The following UNC13C variants were observed in gnomAD, a reference collection of about 807,000 sequenced individuals.
The protein encoded by UNC13C is protein unc-13 homolog C.
A neutral mutation model predicts 245.4 loss-of-function variants in UNC13C; 174 were observed. That is an observed-to-expected ratio of 0.71 (90% confidence interval 0.63 to 0.80). The LOEUF (loss-of-function observed/expected upper bound fraction) is 0.80, where lower values mean the gene tolerates loss of function less well. Among genes scored for constraint, UNC13C ranks in the 30% least tolerant of loss-of-function variants. The pLI, the probability that UNC13C is intolerant of heterozygous loss-of-function variation, is 0.00. For missense variants in UNC13C, 2,829 were observed against 2,602.9 expected, an observed-to-expected ratio of 1.09 and a Z score of -1.89; for synonymous variants, 992 against 895.1, an observed-to-expected ratio of 1.11 and a Z score of -1.93.
intron 4 of UNC13C, among the ~76,000 whole-genome samples, chr15:54,230,151 T>A (rs1052863912): frequency 2.0e-5 from 3 of 151,828 alleles, no homozygotes; most frequent in African/African-American, 7.3e-5. Flanking sequence ...TTTTACTTAT[T>A]TGAGGAATCT....
At chr15:53,952,059 G>C in the UNC13C span, among the ~76,000 whole-genome samples, 1 of 152,174 alleles carries the variant, frequency 6.6e-6, no homozygotes, top group Non-Finnish European at 1.5e-5. Flanking sequence ...GATGATGTGA[G>C]GGTTTGGGCA....
At chr15:53,967,083 A>G in the UNC13C span, among the ~76,000 whole-genome samples, 1 of 151,944 alleles carries the variant, frequency 6.6e-6, no homozygotes, top group African/African-American at 2.4e-5. Context: ...TTCCAATACG[A>G]ATTTGTTACC....
chr15:54,229,009 A>G (rs2035473856), intron 4 of UNC13C, among the ~76,000 whole-genome samples: 1 of 152,154 alleles, frequency 6.6e-6, no homozygotes, highest in Non-Finnish European at 1.5e-5. Flanking sequence ...GCTTGTCAGA[A>G]CTCAGGATCC....
intron 22 of UNC13C, among the ~76,000 whole-genome samples, chr15:54,501,858 C>T (rs933789581): frequency 3.9e-5 from 6 of 152,160 alleles, no homozygotes; most frequent in Middle Eastern, 6.8e-3. Flanking sequence ...CTGAGACTGA[C>T]ATGGGAAGGG....
At chr15:54,281,270 A>C (rs183769540) in intron 10 of UNC13C, among the ~76,000 whole-genome samples, 2 of 152,162 alleles carry the variant, frequency 1.3e-5, no homozygotes, top group African/African-American at 2.4e-5. Flanking sequence ...AATGTTTATT[A>C]GTCTTTATAC....
chr15:54,573,885 C>T (rs1450106487), intron 30 of UNC13C, among the ~76,000 whole-genome samples: 1 of 152,020 alleles, frequency 6.6e-6, no homozygotes, highest in South Asian at 2.1e-4. Context: ...CTAACACAGG[C>T]TGAAAAGTGA....
intron 19 of UNC13C, among the ~76,000 whole-genome samples, chr15:54,436,170 G>A (rs190468235): frequency 5.4e-4 from 82 of 152,134 alleles, no homozygotes; most frequent in African/African-American, 1.9e-3. Flanking sequence ...ATGGAAGACA[G>A]TGTGGCTACT....
the UNC13C span, among the ~76,000 whole-genome samples, chr15:53,875,107 AT>A: frequency 3.5e-4 from 29 of 81,968 alleles, no homozygotes; most frequent in African/African-American, 9.0e-4. Flanking sequence ...TAAAAAAAAA[AT>A]ATCTTATATG....
At position 54,376,861 on chromosome 15, in the gene UNC13C, A is replaced by G. The variant is rs542959166; in HGVS notation, c.4714-16187A>G. Among the ~76,000 whole-genome samples, 6 of 152,314 alleles carry G rather than the reference A, an allele frequency of 3.9e-5. No homozygotes were observed. In the South Asian group the frequency reaches 1.2e-3, roughly 32 times the overall value. On this transcript the variant is annotated intron_variant, in intron 17 of 32. Transcript: ENST00000260323. ...AGACTTGCTGTTCACCCAGAACCTC[A>G]GAGTGTTACCTGATTTGGAACAAGT...
At chr15:54,572,949 T>C (rs1897821401) in intron 30 of UNC13C, among the ~76,000 whole-genome samples, 1 of 152,188 alleles carries the variant, frequency 6.6e-6, no homozygotes. Context: ...CATCTCCTTC[T>C]CTTTTTTCTG....
At chr15:54,188,018 A>T (rs1336933522) in intron 4 of UNC13C, among the ~76,000 whole-genome samples, 7 of 152,004 alleles carry the variant, frequency 4.6e-5, no homozygotes, top group Non-Finnish European at 1.0e-4. Flanking sequence ...GAGTTTCATC[A>T]TGTTGGTGAG....
the UNC13C span, among the ~76,000 whole-genome samples, chr15:53,928,465 T>C: frequency 1.3e-5 from 2 of 152,198 alleles, no homozygotes; most frequent in African/African-American, 4.8e-5. Flanking sequence ...ACCTTCCAGC[T>C]TGGGCATTAG....
chr15:54,435,929 G>C (rs2040976162), intron 19 of UNC13C, among the ~76,000 whole-genome samples: 1 of 151,894 alleles, frequency 6.6e-6, no homozygotes, highest in Middle Eastern at 3.4e-3. Flanking sequence ...CAAACGATAT[G>C]AACAGACACT....
At chr15:54,448,292 G>T (rs141606490) in intron 19 of UNC13C, among the ~76,000 whole-genome samples, 1 of 152,108 alleles carries the variant, frequency 6.6e-6, no homozygotes, top group Non-Finnish European at 1.5e-5. Context: ...TAGTAGGTCC[G>T]CTTGGTGCAG....
chr15:54,511,839 C>CT lies in UNC13C; in HGVS notation c.5457+14dup. 1 of 1,589,188 alleles carries CT rather than the reference C, an allele frequency of 6.3e-7. No homozygotes were observed. Among genetic ancestry groups the CT allele is most frequent in the Non-Finnish European group, 8.6e-7 (1 of 1,163,578 alleles). Reference sequence around the variant, plus strand: ...CCATGGGAGGGAAGGAGGTGGGTATCTTTTTCTCCTACATTTGCTAAAAAC... The same window carrying CT: ...CCATGGGAGGGAAGGAGGTGGGTATCTTTTTTCTCCTACATTTGCTAAAAAC... On this transcript the variant is annotated intron_variant, in intron 24 of 32. Transcript: ENST00000260323.
chr15:54,411,651 G>C (rs929483427), intron 18 of UNC13C, among the ~76,000 whole-genome samples: 3 of 152,078 alleles, frequency 2.0e-5, no homozygotes, highest in Non-Finnish European at 1.5e-5. Context: ...AGCCACTCTT[G>C]TAAGAGTAGC....
At chr15:53,947,889 G>A in the UNC13C span, 1 of 152,310 alleles carries the variant, frequency 6.6e-6, no homozygotes, top group East Asian at 1.9e-4. Context: ...CTTATATGTG[G>A]TATCACAATG....
chr15:54,464,616 G>T (rs951362165), intron 19 of UNC13C, among the ~76,000 whole-genome samples: 1 of 152,000 alleles, frequency 6.6e-6, no homozygotes, highest in Non-Finnish European at 1.5e-5. Flanking sequence ...CTCATCTTAA[G>T]TTTAAAAACT....
chr15:54,357,905 A>G lies in UNC13C; in HGVS notation c.4713+19416A>G, dbSNP rs148450673. Among the ~76,000 whole-genome samples the G allele has an allele frequency of 3.7e-3, 561 of 152,146 alleles. 3 individuals are homozygous for G. Among genetic ancestry groups the G allele is most frequent in the African/African-American group, 0.013 (534 of 41,550 alleles). ...ATTTTATATGTGTTTGTATGTATGT[A>G]TATACATTAATCTTTATTATTATCA... On this transcript the variant is annotated intron_variant, in intron 17 of 32. Coordinates refer to ENST00000260323, the MANE Select transcript of UNC13C (RefSeq NM_001080534.3).
Sources: gnomAD v4.1 joint callset for allele counts (sites outside exome capture counted in the v4.1 genomes callset) on GRCh38, gnomAD v4.1.1 for gene constraint, MANE v1.5 for transcripts, NCBI Gene and HGNC (gene_info 2026-07-23, HGNC 2026-07-21) for gene names.